TTC39B: variants seen among roughly 807,000 people sequenced by gnomAD.
TTC39B encodes tetratricopeptide repeat domain 39B.
Under a neutral mutation model 96.6 loss-of-function variants are expected in TTC39B, and 92 were observed. That is an observed-to-expected ratio of 0.95 (90% confidence interval 0.80 to 1.13). The LOEUF (loss-of-function observed/expected upper bound fraction) is 1.13. Ranked by LOEUF, TTC39B falls within the 50% of genes most tolerant of loss-of-function variation. The probability of loss-of-function intolerance (pLI) is 0.00; values close to 1 mark genes in which losing one functional copy is unlikely to be tolerated. For synonymous variants in TTC39B, 367 were observed against 299.4 expected, an observed-to-expected ratio of 1.23 and a Z score of -2.33; for missense variants, 955 against 809.3, an observed-to-expected ratio of 1.18 and a Z score of -2.18.
chr9:15,245,063 G>T (rs1259497985), intron 2 of TTC39B, among the ~76,000 whole-genome samples: 1 of 152,182 alleles, frequency 6.6e-6, no homozygotes, highest in Non-Finnish European at 1.5e-5. Flanking sequence ...TTCAATTACA[G>T]TGAGTAGCTT....
chr9:15,189,419 T>C (rs1436013680), intron 13 of TTC39B, among the ~76,000 whole-genome samples, 155 bp downstream of exon 13: 11 of 151,306 alleles, frequency 7.3e-5, no homozygotes, highest in Admixed American at 7.2e-4. Flanking sequence ...ATATACAAGT[T>C]AAAAGTTTTG....
At chr9:15,239,675 C>A (rs979566684) in intron 2 of TTC39B, among the ~76,000 whole-genome samples, 1 of 152,156 alleles carries the variant, frequency 6.6e-6, no homozygotes, top group African/African-American at 2.4e-5. Context: ...AAATCAAATA[C>A]CATGGGTTCT....
chr9:15,233,244 A>G (rs1042590230), intron 2 of TTC39B, among the ~76,000 whole-genome samples: 1 of 152,096 alleles, frequency 6.6e-6, no homozygotes, highest in Non-Finnish European at 1.5e-5. Context: ...AACATTCCCA[A>G]TGATCCGCAG....
At chr9:15,198,486 ATC>A (rs1554768107) in intron 8 of TTC39B, among the ~76,000 whole-genome samples, 47 of 142,920 alleles carry the variant, frequency 3.3e-4, no homozygotes, top group African/African-American at 1.1e-3. Flanking sequence ...ATATATATAT[ATC>A]ATAAAGGGCA....
At chr9:15,302,152 A>C (rs1203366426) in intron 1 of TTC39B, among the ~76,000 whole-genome samples, 1 of 147,018 alleles carries the variant, frequency 6.8e-6, no homozygotes, top group Non-Finnish European at 1.5e-5. Flanking sequence ...GTGAAACCCC[A>C]TCTCTACTGA....
intron 17 of TTC39B, among the ~76,000 whole-genome samples, chr9:15,178,743 T>A (rs1327401951): frequency 6.6e-6 from 1 of 152,186 alleles, no homozygotes; most frequent in Non-Finnish European, 1.5e-5. Context: ...GCTTTATTAA[T>A]TCTATAAAAG....
intron 1 of TTC39B, among the ~76,000 whole-genome samples, chr9:15,279,431 G>C (rs895162764): frequency 6.6e-6 from 1 of 152,208 alleles, no homozygotes; most frequent in Non-Finnish European, 1.5e-5. Context: ...GGGGGAGAGA[G>C]AAGGTAAAGG....
intron 8 of TTC39B, among the ~76,000 whole-genome samples, chr9:15,193,973 G>A (rs1819006086): frequency 6.6e-6 from 1 of 152,164 alleles, no homozygotes; most frequent in African/African-American, 2.4e-5. Flanking sequence ...ATCCCGGGTT[G>A]GATCCTGAGC....
chr9:15,168,765 TTA>T (rs1817573933), exon 20 of TTC39B: 2 of 152,162 alleles, frequency 1.3e-5, no homozygotes, highest in Admixed American at 6.5e-5. Flanking sequence ...TGAGCAGAGA[TTA>T]CGCCACTGCA....
At chr9:15,228,099 T>C (rs1461529770) in intron 2 of TTC39B, among the ~76,000 whole-genome samples, 1 of 152,142 alleles carries the variant, frequency 6.6e-6, no homozygotes, top group East Asian at 1.9e-4. Flanking sequence ...TGATTTGACA[T>C]GCCATATATA....
chr9:15,193,182 A>G (rs1385974683), intron 8 of TTC39B, among the ~76,000 whole-genome samples: 5 of 152,258 alleles, frequency 3.3e-5, no homozygotes, highest in Non-Finnish European at 1.5e-5. Context: ...GAAACAAGAA[A>G]GCAAAGGCCA....
At chr9:15,212,114 A>G (rs1427641216) in intron 4 of TTC39B, among the ~76,000 whole-genome samples, 8 of 152,234 alleles carry the variant, frequency 5.3e-5, no homozygotes, top group Non-Finnish European at 7.3e-5. Context: ...TTAATTATTT[A>G]TAAGGTTTAA....
chr9:15,291,693 C>A (rs7022687), intron 1 of TTC39B, among the ~76,000 whole-genome samples: 34,849 of 151,992 alleles, frequency 0.23, 4,775 homozygotes, highest in Non-Finnish European at 0.29. Flanking sequence ...AAGCCATTAC[C>A]AGTTGAACAA....
At position 15,214,278 on chromosome 9, in the gene TTC39B, T is replaced by G. The variant is rs774064156; in HGVS notation, c.372-29A>C. On this transcript the variant is annotated intron_variant, in intron 3 of 19. Coordinates refer to ENST00000512701, the Ensembl canonical transcript of TTC39B. The stretch of plus-strand genomic sequence containing the variant: ...AAGATCAAGAAAAAAGCACAGAGAA[T>G]TTCTATAGCTTTACGATCAGCAAGT... 5 of 1,551,630 alleles carry G rather than the reference T, an allele frequency of 3.2e-6. No individual in the cohort carries two copies. In the South Asian group the frequency reaches 5.6e-5, roughly 17 times the overall value.
chr9:15,166,316 T>C (rs1320978393), exon 20 of TTC39B: 1 of 152,236 alleles, frequency 6.6e-6, no homozygotes, highest in Non-Finnish European at 1.5e-5. Context: ...ACAGTATTAC[T>C]GTGCTAAACA....
intron 16 of TTC39B, chr9:15,183,319 G>T (rs943617166): frequency 7.0e-6 from 3 of 427,964 alleles, no homozygotes; most frequent in Non-Finnish European, 1.4e-5. Context: ...AATAGAGCAA[G>T]AGTTCAATTC....
chr9:15,269,953 G>A (rs1213189128), intron 1 of TTC39B, among the ~76,000 whole-genome samples: 3 of 150,958 alleles, frequency 2.0e-5, no homozygotes, highest in Non-Finnish European at 3.0e-5. Flanking sequence ...TGGATCACCT[G>A]AGGTCAGGAG....
At chr9:15,179,567 C>T (rs989084977) in intron 17 of TTC39B, among the ~76,000 whole-genome samples, 5 of 152,126 alleles carry the variant, frequency 3.3e-5, no homozygotes, top group African/African-American at 1.2e-4. Context: ...CATTTTTCTA[C>T]CAAAATAAAA....
intron 1 of TTC39B, among the ~76,000 whole-genome samples, chr9:15,296,093 G>C (rs183766361): frequency 7.2e-5 from 11 of 152,326 alleles, no homozygotes; most frequent in African/African-American, 2.6e-4. Flanking sequence ...TGGTTGTCCA[G>C]AATGCCAGGA....
Sources: allele counts gnomAD v4.1 joint callset (sites outside exome capture counted in the v4.1 genomes callset), GRCh38; gene constraint gnomAD v4.1.1; transcripts MANE v1.5; gene names NCBI Gene and HGNC (gene_info 2026-07-23, HGNC 2026-07-21).